The following SIM2 variants were observed in gnomAD, a reference collection of about 807,000 sequenced individuals.
The protein encoded by SIM2 is SIM bHLH transcription factor 2.
SIM2 carries 28 observed loss-of-function variants against 64.8 expected under a neutral mutation model. That is an observed-to-expected ratio of 0.43 (90% CI 0.32 to 0.59). The LOEUF is 0.59. SIM2 is among the 20% of genes least tolerant of loss of function. SIM2 has a pLI of 0.07. For missense variants in SIM2, 847 were observed against 871.4 expected (o/e 0.97, Z 0.35); for synonymous variants, 408 against 391.1 (o/e 1.04, Z -0.51).
intron 9 of SIM2, 51 bp from the exon 10 acceptor site, chr21:36,744,677 G>A: frequency 6.6e-7 from 1 of 1,511,618 alleles, no homozygotes; most frequent in East Asian, 2.4e-5. Context: ...CCGGAAGGCA[G>A]CTTCCTGCCG....
chr21:36,705,167 C>G (rs1601684587), intron 1 of SIM2, among the ~76,000 whole-genome samples: 1 of 152,194 alleles, frequency 6.6e-6, no homozygotes, highest in Non-Finnish European at 1.5e-5. Context: ...GCTTCTGGGT[C>G]ATAAACGCCG....
rs144901860 is a variant in SIM2, at chr21:36,735,398, G to A, written c.850+4247G>A. Among the ~76,000 whole-genome samples the A allele has an allele frequency of 3.0e-3, 461 of 152,266 alleles. 3 individuals carry two copies. The highest frequency in any genetic ancestry group is 9.8e-3 in the African/African-American group (408 of 41,540). ...AACCTTCCACAAGTTTCTCCCTTCC[G>A]AGCCCTGTCTGTCATCTTTCCCTTG... is the stretch of plus-strand genomic sequence containing the variant. On this transcript the variant is annotated intron_variant, in intron 7 of 10. Transcript: ENST00000290399.
At chr21:36,714,448 C>T (rs1223384742) in intron 3 of SIM2, among the ~76,000 whole-genome samples, 1 of 152,182 alleles carries the variant, frequency 6.6e-6, no homozygotes, top group Non-Finnish European at 1.5e-5. Context: ...GGTTCTTTAA[C>T]CTACTTGAAC....
At chr21:36,729,922 G>A (rs2088943054) in intron 6 of SIM2, among the ~76,000 whole-genome samples, 1 of 152,210 alleles carries the variant, frequency 6.6e-6, no homozygotes, top group Non-Finnish European at 1.5e-5. Context: ...AAATTAATAT[G>A]CCCAGGGCTC....
rs1334205456 is a variant in SIM2 at position 36,747,426 on chromosome 21, T to C, written c.1577-239T>C. Among the ~76,000 whole-genome samples, 1 of 151,994 alleles carries C rather than the reference T, an allele frequency of 6.6e-6. No individual in the cohort carries two copies. Among genetic ancestry groups the C allele is most frequent in the Non-Finnish European group, 1.5e-5 (1 of 67,986 alleles). On this transcript the variant is annotated intron_variant, in intron 10 of 10. Transcript: ENST00000290399. This position sits in a 1 kb window ranked among gnomAD's most constrained non-coding sequence, Gnocchi z 4.5. ...GTATTTTGGATATGCTGCATTAACG[T>C]GTATTACTTAACAGGCATTCCACCT...
At chr21:36,717,579 C>T (rs2845803) in intron 3 of SIM2, among the ~76,000 whole-genome samples, 7,568 of 151,874 alleles carry the variant, frequency 0.05, 497 homozygotes, top group African/African-American at 0.15. Flanking sequence ...TCCCTTGTAG[C>T]TGGGATCACA....
At chr21:36,742,295 A>T (rs945634167) in intron 8 of SIM2, among the ~76,000 whole-genome samples, 5 of 152,130 alleles carry the variant, frequency 3.3e-5, no homozygotes, top group African/African-American at 1.2e-4. Flanking sequence ...GAGACAGGAA[A>T]TATCCCATTT....
chr21:36,713,912 T>C (rs2088710224), intron 3 of SIM2, among the ~76,000 whole-genome samples: 1 of 152,250 alleles, frequency 6.6e-6, no homozygotes, highest in Admixed American at 6.5e-5. Context: ...TCTGCTTTTA[T>C]CAAACCAAGT....
At chr21:36,736,417 C>T (rs182916122) in intron 7 of SIM2, among the ~76,000 whole-genome samples, 69 of 152,286 alleles carry the variant, frequency 4.5e-4, no homozygotes, top group East Asian at 3.7e-3. Context: ...CCAGACAGCC[C>T]GATGGTTTGC....
intron 7 of SIM2, among the ~76,000 whole-genome samples, chr21:36,733,560 AT>A (rs60888276): frequency 0.038 from 5,049 of 133,896 alleles, 211 homozygotes; most frequent in African/African-American, 0.11. Context: ...GGAAGCAGGG[AT>A]TTTTTTTTTT....
At chr21:36,746,671 G>C (rs1383780457) in intron 10 of SIM2, among the ~76,000 whole-genome samples, 2 of 152,226 alleles carry the variant, frequency 1.3e-5, no homozygotes, top group Admixed American at 1.3e-4. Flanking sequence ...TGTCCCAGGA[G>C]CCACGGATCC....
At position 36,744,796 on chromosome 21, in the gene SIM2, T is replaced by G; in HGVS notation, c.1236T>G (p.Pro412=). The G allele has an allele frequency of 1.2e-6, 2 of 1,613,870 alleles. No individual in the cohort carries two copies. Among genetic ancestry groups the G allele is most frequent in the Non-Finnish European group, 1.7e-6 (2 of 1,179,882 alleles). Residue 412 remains proline (P), a synonymous_variant, in exon 10 of 11, where the codon CCT becomes CCG. Coordinates refer to ENST00000290399, the MANE Select transcript of SIM2 (RefSeq NM_005069.6). ...GQLGNWRASP[P]ASAAAPPELQ... Reference sequence around the variant, plus strand: ...TCGGAAACTGGAGAGCCAGTCCCCCTGCAAGCGCTGCTGCTCCTCCAGAAC... The same window carrying G: ...TCGGAAACTGGAGAGCCAGTCCCCCGGCAAGCGCTGCTGCTCCTCCAGAAC...
At chr21:36,709,032 C>A in intron 1 of SIM2, 136 bp from the exon 2 acceptor site, 1 of 689,684 alleles carries the variant, frequency 1.4e-6, no homozygotes, top group Non-Finnish European at 2.4e-6. Context: ...GGCTGCGGAG[C>A]CGGGGAGGCG....
intron 8 of SIM2, among the ~76,000 whole-genome samples, chr21:36,742,613 T>C (rs2089176971): frequency 6.6e-6 from 1 of 152,124 alleles, no homozygotes; most frequent in African/African-American, 2.4e-5. Flanking sequence ...TCTGGGGCCA[T>C]ATATTACTTT....
intron 2 of SIM2, 62 bp downstream of exon 2, chr21:36,709,312 C>G: frequency 7.3e-7 from 1 of 1,364,794 alleles, no homozygotes; most frequent in Non-Finnish European, 1.0e-6. Flanking sequence ...ACCCCGCCAC[C>G]CCAGCCTCCA....
chr21:36,741,817 C>A lies in SIM2; in HGVS notation c.951C>A (p.Ser317Arg). 1 of 1,608,656 alleles carries A rather than the reference C, an allele frequency of 6.2e-7. No homozygotes were observed. Among genetic ancestry groups the A allele is most frequent in the South Asian group, 1.1e-5 (1 of 89,612 alleles). The change falls in exon 8 of 11, where the codon AGC (serine) becomes AGA (arginine). Residue 317 changes from serine (S) to arginine (R), a missense_variant. Ser to Arg is a moderately radical substitution (Grantham distance 110). Transcript: ENST00000290399. ...GCTACGCCACCGTGGTGCACAACAG[C>A]CGCTCGTCCCGGCCCCACTGCATCG... ...VQSYATVVHN[S>R]RSSRPHCIVS...
At chr21:36,735,818 G>A (rs973111431) in intron 7 of SIM2, among the ~76,000 whole-genome samples, 5 of 152,202 alleles carry the variant, frequency 3.3e-5, no homozygotes, top group African/African-American at 1.2e-4. Flanking sequence ...CCGACTTGGG[G>A]AGGACAGGGG....
rs780633049 is a variant in SIM2, at chr21:36,723,027, T to A, written c.458-18T>A. 37 of 1,609,490 alleles carry A rather than the reference T, an allele frequency of 2.3e-5. No homozygotes were observed. The highest frequency in any genetic ancestry group is 3.0e-5 in the Non-Finnish European group (35 of 1,175,938). Reference sequence around the variant, plus strand: ...CACGGAGGGACAGCTGCCAACCTCATCTTGCTCCTGCTTGCAGAGTATGAG... The same window carrying A: ...CACGGAGGGACAGCTGCCAACCTCAACTTGCTCCTGCTTGCAGAGTATGAG... On this transcript the variant is annotated intron_variant, in intron 4 of 10. Transcript: ENST00000290399.
In SIM2 at chr21:36,747,596, G is replaced by C. The variant is rs1363608663; in HGVS notation, c.1577-69G>C. ...CGGCCGAGGGGTGGTGGCTGCGCCC[G>C]GGGCTTGGGGGTGGGGTGGCTGCGG... On this transcript the variant is annotated intron_variant, in intron 10 of 10. Coordinates refer to ENST00000290399, the MANE Select transcript of SIM2 (RefSeq NM_005069.6). This position sits in a 1 kb window ranked among gnomAD's most constrained non-coding sequence, Gnocchi z 4.5. The C allele has an allele frequency of 5.4e-6, 6 of 1,118,202 alleles. No homozygotes were observed. Among genetic ancestry groups the C allele is most frequent in the Non-Finnish European group, 6.6e-6 (6 of 903,928 alleles). The allele number at this position is 1,118,202 out of a possible 1,614,324, so 69.3% of individuals were successfully genotyped here.
Sources: gnomAD v4.1 joint callset for allele counts (sites outside exome capture counted in the v4.1 genomes callset) on GRCh38, gnomAD v4.1.1 for gene constraint, Gnocchi (gnomAD v3.1) non-coding constraint, MANE v1.5 for transcripts, NCBI Gene and HGNC (gene_info 2026-07-23, HGNC 2026-07-21) for gene names.